TBX15: variants seen among roughly 807,000 people sequenced by gnomAD.
TBX15 encodes the protein T-box transcription factor TBX15.
TBX15 carries 18 observed loss-of-function variants against 53.9 expected under a neutral mutation model. The observed-to-expected ratio is 0.33, with a 90% confidence interval of 0.23 to 0.49. The LOEUF is 0.49. TBX15 is among the 20% of genes least tolerant of loss of function. The pLI, the probability that TBX15 is intolerant of heterozygous loss-of-function variation, is 0.98. For synonymous variants in TBX15, 295 were observed against 278.0 expected, an observed-to-expected ratio of 1.06 and a Z score of -0.61; for missense variants, 692 against 749.5, an observed-to-expected ratio of 0.92 and a Z score of 0.90.
At chr1:118,933,116 C>G (rs1655854438) in intron 1 of TBX15, among the ~76,000 whole-genome samples, 1 of 152,168 alleles carries the variant, frequency 6.6e-6, no homozygotes, top group South Asian at 2.1e-4. Flanking sequence ...TTACCTGCAG[C>G]AGGTTTGCAG....
intron 7 of TBX15, among the ~76,000 whole-genome samples, chr1:118,896,165 T>C (rs1654416494): frequency 6.6e-6 from 1 of 151,850 alleles, no homozygotes; most frequent in Non-Finnish European, 1.5e-5. Flanking sequence ...CTTCTTCCAA[T>C]GTGGTGCAAG....
At chr1:118,977,377 C>T (rs973662023) in intron 1 of TBX15, among the ~76,000 whole-genome samples, 2 of 152,116 alleles carry the variant, frequency 1.3e-5, no homozygotes, top group African/African-American at 4.8e-5. Flanking sequence ...TTGTTCTTAT[C>T]GTGTTATCAT....
intron 6 of TBX15, 42 bp downstream of exon 6, chr1:118,914,073 T>C (rs1214377326): frequency 6.3e-7 from 1 of 1,597,112 alleles, no homozygotes; most frequent in Non-Finnish European, 8.6e-7. Context: ...AGGGAAGTAA[T>C]GTCACATAGA....
chr1:118,913,968 T>TTGTTAGCTATCCATTTCTCTTTGC (rs1655107299), intron 6 of TBX15, 147 bp downstream of exon 6: 7 of 753,242 alleles, frequency 9.3e-6, no homozygotes, highest in Admixed American at 4.6e-5. Flanking sequence ...GATTCTTACG[T>TTGTTAGCTATCCATTTCTCTTTGC]TAGCTATCCA....
At chr1:118,968,470 G>A (rs541858329) in intron 1 of TBX15, among the ~76,000 whole-genome samples, 1 of 152,184 alleles carries the variant, frequency 6.6e-6, no homozygotes, top group Non-Finnish European at 1.5e-5. Context: ...GCCTCCCAAA[G>A]TGCTGGGATT....
chr1:118,907,354 ACTC>A (rs1654873461), intron 6 of TBX15, among the ~76,000 whole-genome samples: 1 of 152,136 alleles, frequency 6.6e-6, no homozygotes, highest in African/African-American at 2.4e-5. Context: ...ACCCTTCACT[ACTC>A]AGACAGACCA....
chr1:118,929,387 T>C (rs1283436710), intron 2 of TBX15, among the ~76,000 whole-genome samples: 1 of 151,760 alleles, frequency 6.6e-6, no homozygotes, highest in African/African-American at 2.4e-5. Flanking sequence ...GCAAGAAAAA[T>C]GAGTGAGAAG....
rs1239357087 is a variant in TBX15 at position 118,883,375 on chromosome 1, A to G, written c.*1357T>C. The G allele has an allele frequency of 6.6e-6, 1 of 152,640 alleles. No homozygotes were observed. Among genetic ancestry groups the G allele is most frequent in the Non-Finnish European group, 1.5e-5 (1 of 68,050 alleles). 9.5% of individuals were successfully genotyped at this position (152,640 alleles called of 1,614,324 possible). ...AGATTTGAAGGGAAAGGGAAAGATG[A>G]AGGACAAAACCCAAAACTTCAAAAT... On this transcript the variant is annotated 3_prime_UTR_variant, in exon 8 of 8. Transcript: ENST00000369429.
At chr1:118,909,958 A>G (rs960623614) in intron 6 of TBX15, among the ~76,000 whole-genome samples, 1 of 152,110 alleles carries the variant, frequency 6.6e-6, no homozygotes, top group African/African-American at 2.4e-5. Flanking sequence ...ACTCTTTTCT[A>G]TGCTTCGGAG....
At chr1:118,929,068 A>T (rs1655696102) in intron 2 of TBX15, among the ~76,000 whole-genome samples, 1 of 152,174 alleles carries the variant, frequency 6.6e-6, no homozygotes, top group African/African-American at 2.4e-5. Context: ...ACAAAAAGAG[A>T]TGTGTTTGGT....
chr1:118,909,303 G>T (rs1654949718), intron 6 of TBX15, among the ~76,000 whole-genome samples: 1 of 152,230 alleles, frequency 6.6e-6, no homozygotes, highest in Non-Finnish European at 1.5e-5. Flanking sequence ...AAGCGAGAAG[G>T]CTGAATGAGC....
chr1:118,895,161 A>G (rs1009405046), intron 7 of TBX15, among the ~76,000 whole-genome samples: 2 of 152,188 alleles, frequency 1.3e-5, no homozygotes, highest in Non-Finnish European at 2.9e-5. Flanking sequence ...ATGAAAATTC[A>G]ATCATCAACA....
At chr1:118,913,263 C>T (rs1376862255) in intron 6 of TBX15, among the ~76,000 whole-genome samples, 1 of 151,966 alleles carries the variant, frequency 6.6e-6, no homozygotes, top group African/African-American at 2.4e-5. Context: ...AATAAACAGT[C>T]ATTGCAAAGC....
intron 2 of TBX15, among the ~76,000 whole-genome samples, chr1:118,931,305 T>C (rs980159301): frequency 3.3e-5 from 5 of 152,250 alleles, no homozygotes; most frequent in African/African-American, 7.2e-5. Context: ...AATGGTGAAG[T>C]AAACACTTGC....
At chr1:118,942,720 A>C (rs1656221460) in intron 1 of TBX15, among the ~76,000 whole-genome samples, 2 of 152,340 alleles carry the variant, frequency 1.3e-5, no homozygotes, top group African/African-American at 2.4e-5. Context: ...CACTTCTGTG[A>C]GAAGCAGTCA....
chr1:118,929,242 T>A (rs988042071), intron 2 of TBX15, among the ~76,000 whole-genome samples: 5 of 152,160 alleles, frequency 3.3e-5, no homozygotes, highest in African/African-American at 9.7e-5. Context: ...GATCACAGTT[T>A]GGGGTGTGGA....
intron 1 of TBX15, among the ~76,000 whole-genome samples, chr1:118,982,638 T>C (rs1453227532): frequency 1.3e-5 from 2 of 152,260 alleles, no homozygotes; most frequent in African/African-American, 4.8e-5. Context: ...CATGCCATTC[T>C]TCACTCCTCA....
At chr1:118,984,106 G>A (rs1023457068) in intron 1 of TBX15, among the ~76,000 whole-genome samples, 1 of 152,238 alleles carries the variant, frequency 6.6e-6, no homozygotes, top group Non-Finnish European at 1.5e-5. Flanking sequence ...CCCTGGGGCG[G>A]CCGCGCTTTC....
At chr1:118,931,453 C>T (rs1323096288) in intron 2 of TBX15, among the ~76,000 whole-genome samples, 166 bp downstream of exon 2, 1 of 152,200 alleles carries the variant, frequency 6.6e-6, no homozygotes, top group Admixed American at 6.5e-5. Context: ...ACAATCACAA[C>T]AAACACAACA....
Sources: allele counts gnomAD v4.1 joint callset (sites outside exome capture counted in the v4.1 genomes callset), GRCh38; gene constraint gnomAD v4.1.1; transcripts MANE v1.5; gene names NCBI Gene and HGNC (gene_info 2026-07-23, HGNC 2026-07-21).